Variants in PRLR observed in about 807,000 individuals in gnomAD.
The protein encoded by PRLR is hPRL receptor.
In PRLR, 13 loss-of-function variants were observed where a neutral mutation model predicts 40.2. The ratio of observed to expected loss-of-function variants is 0.32; its 90% CI spans 0.21 to 0.51. PRLR has a LOEUF of 0.51. Ranked by LOEUF, PRLR falls within the 20% of genes least tolerant of loss-of-function variation. The pLI, the probability that PRLR is intolerant of heterozygous loss-of-function variation, is 0.97. For synonymous variants in PRLR, 269 were observed against 278.7 expected, an observed-to-expected ratio of 0.97 and a Z score of 0.35; for missense variants, 656 against 747.3, an observed-to-expected ratio of 0.88 and a Z score of 1.42.
intron 1 of PRLR, among the ~76,000 whole-genome samples, chr5:35,163,922 T>G (rs1026126987): frequency 6.6e-6 from 1 of 152,202 alleles, no homozygotes; most frequent in African/African-American, 2.4e-5. Flanking sequence ...GCTGATGAAA[T>G]GCAACCCAAG....
intron 5 of PRLR, among the ~76,000 whole-genome samples, chr5:35,079,724 T>C (rs1278639091): frequency 6.6e-6 from 1 of 152,194 alleles, no homozygotes; most frequent in Non-Finnish European, 1.5e-5. Context: ...GAGCCCGTAT[T>C]GCCAAAACAA....
At chr5:35,224,508 T>A (rs1027131472) in intron 1 of PRLR, among the ~76,000 whole-genome samples, 1 of 152,212 alleles carries the variant, frequency 6.6e-6, no homozygotes, top group African/African-American at 2.4e-5. Flanking sequence ...CAAGTGGAAA[T>A]GAACAAATGT....
intron 5 of PRLR, among the ~76,000 whole-genome samples, chr5:35,080,173 G>A (rs1204508463): frequency 6.6e-6 from 1 of 151,990 alleles, no homozygotes; most frequent in Non-Finnish European, 1.5e-5. Context: ...GGCAACAAAA[G>A]CCAAAATTGA....
At chr5:35,114,159 T>A (rs1430005449) in intron 2 of PRLR, among the ~76,000 whole-genome samples, 1 of 152,178 alleles carries the variant, frequency 6.6e-6, no homozygotes, top group African/African-American at 2.4e-5. Flanking sequence ...ACTTTGGAGC[T>A]GACACATTTA....
At chr5:35,095,815 G>C (rs1360955414) in intron 2 of PRLR, among the ~76,000 whole-genome samples, 1 of 152,188 alleles carries the variant, frequency 6.6e-6, no homozygotes, top group Admixed American at 6.5e-5. Flanking sequence ...ACTTTCCATA[G>C]TGAATTACTT....
At chr5:35,077,398 G>A (rs1213120447) in intron 5 of PRLR, among the ~76,000 whole-genome samples, 3 of 152,132 alleles carry the variant, frequency 2.0e-5, no homozygotes, top group Non-Finnish European at 1.5e-5. Context: ...AGCAGGGGTT[G>A]CAATCCTACT....
chr5:35,101,639 G>A (rs1316976569), intron 2 of PRLR, among the ~76,000 whole-genome samples: 1 of 151,218 alleles, frequency 6.6e-6, no homozygotes, highest in Non-Finnish European at 1.5e-5. Flanking sequence ...TATTTTTCTG[G>A]CATCATCATG....
intron 1 of PRLR, among the ~76,000 whole-genome samples, chr5:35,144,620 ATT>A (rs752141245): frequency 5.8e-5 from 8 of 137,824 alleles, no homozygotes; most frequent in Admixed American, 7.6e-5. Flanking sequence ...TGCCTGGCTA[ATT>A]TTTTTTTTTT....
At chr5:35,067,799 T>G (rs1417217127) in intron 9 of PRLR, among the ~76,000 whole-genome samples, 2 of 152,214 alleles carry the variant, frequency 1.3e-5, no homozygotes, top group Non-Finnish European at 2.9e-5. Context: ...CAATGGGATA[T>G]TCTGTTACTA....
chr5:35,053,578 G>T (rs1001045222), downstream of PRLR, among the ~76,000 whole-genome samples: 1 of 152,142 alleles, frequency 6.6e-6, no homozygotes, highest in South Asian at 2.1e-4. Flanking sequence ...ACTTAAACAC[G>T]GGAGGTGGAG....
intron 1 of PRLR, among the ~76,000 whole-genome samples, chr5:35,202,618 G>A (rs2111612143): frequency 6.6e-6 from 1 of 152,102 alleles, no homozygotes; most frequent in South Asian, 2.1e-4. Flanking sequence ...TTTTCATATT[G>A]GTGCCTGGTA....
chr5:35,164,728 G>A (rs1329783510), intron 1 of PRLR, among the ~76,000 whole-genome samples: 1 of 152,132 alleles, frequency 6.6e-6, no homozygotes, highest in African/African-American at 2.4e-5. Flanking sequence ...GAAATGGAGA[G>A]AGACAATGGA....
At chr5:35,203,041 T>C (rs1340598814) in intron 1 of PRLR, among the ~76,000 whole-genome samples, 3 of 152,188 alleles carry the variant, frequency 2.0e-5, no homozygotes, top group African/African-American at 7.2e-5. Flanking sequence ...AGACTTCTCA[T>C]AGTCAGCTGT....
chr5:35,179,568 G>A (rs1329786411), intron 1 of PRLR, among the ~76,000 whole-genome samples: 1 of 152,208 alleles, frequency 6.6e-6, no homozygotes, highest in Non-Finnish European at 1.5e-5. Context: ...GGGTCACACA[G>A]TGACTTGATA....
chr5:35,104,869 T>A (rs1772130661), intron 2 of PRLR, among the ~76,000 whole-genome samples: 1 of 152,296 alleles, frequency 6.6e-6, no homozygotes, highest in Non-Finnish European at 1.5e-5. Flanking sequence ...TTGAAGAAAG[T>A]AGTGGTTCTC....
At chr5:35,225,963 T>C (rs2111689921) in intron 1 of PRLR, among the ~76,000 whole-genome samples, 1 of 152,358 alleles carries the variant, frequency 6.6e-6, no homozygotes, top group African/African-American at 2.4e-5. Flanking sequence ...ATTACAGGCA[T>C]GAGCCACCAC....
At chr5:35,164,401 A>G (rs1395850370) in intron 1 of PRLR, among the ~76,000 whole-genome samples, 1 of 152,226 alleles carries the variant, frequency 6.6e-6, no homozygotes, top group Non-Finnish European at 1.5e-5. Context: ...AATATGAACC[A>G]TGTAAAGCTT....
Position 35,062,301 on chromosome 5 carries a change from A to C in PRLR, c.*2788T>G, listed in dbSNP as rs1769084766. On this transcript the variant is annotated 3_prime_UTR_variant, in exon 10 of 10. Transcript: ENST00000618457. ...AGAGGTTATCTGGTCCAACATCTTC[A>C]GAGGAAACTGAGGCTTAGAGGGGGG... 6.6e-6 allele frequency: 1 copy of C among 152,162 alleles called. No individual in the cohort carries two copies. The highest frequency in any genetic ancestry group is 6.6e-5 in the Admixed American group (1 of 15,258). The allele number at this position is 152,162 out of a possible 1,614,324, so 9.4% of individuals were successfully genotyped here. A position where few individuals can be genotyped will look rare whatever the true frequency, so the allele number is the denominator to read the frequency against.
chr5:35,098,401 C>T (rs1048688255), intron 2 of PRLR, among the ~76,000 whole-genome samples: 3 of 152,212 alleles, frequency 2.0e-5, no homozygotes, highest in African/African-American at 7.2e-5. Context: ...TGCTGACTCA[C>T]AGTCCCCATG....
Sources: gnomAD v4.1 joint callset for allele counts (sites outside exome capture counted in the v4.1 genomes callset) on GRCh38, gnomAD v4.1.1 for gene constraint, MANE v1.5 for transcripts, NCBI Gene and HGNC (gene_info 2026-07-23, HGNC 2026-07-21) for gene names.